The following LAIR1 variants were observed in gnomAD, a reference collection of about 807,000 sequenced individuals.
LAIR1 encodes leukocyte-associated immunoglobulin-like receptor 1.
In LAIR1, 24 loss-of-function variants were observed where a neutral mutation model predicts 32.8. The observed-to-expected ratio is 0.73, with a 90% CI of 0.53 to 1.03. LAIR1 has a LOEUF of 1.03. Among genes scored for constraint, LAIR1 ranks in the 50% least tolerant of loss-of-function variants. The pLI, the probability that LAIR1 is intolerant of heterozygous loss-of-function variation, is 0.00. For missense variants in LAIR1, 355 were observed against 347.5 expected, an observed-to-expected ratio of 1.02 and a Z score of -0.17; for synonymous variants, 150 against 140.5, an observed-to-expected ratio of 1.07 and a Z score of -0.48.
Position 54,351,552 on chromosome 19 carries a change from C to T in LAIR1, c.*3716G>A, listed in dbSNP as rs2081531723. 6.6e-6 allele frequency: 1 copy of T among 152,198 alleles called. No individual in the cohort carries two copies. The highest frequency in any genetic ancestry group is 2.1e-4 in the South Asian group (1 of 4,822). The allele number at this position is 152,198 out of a possible 1,614,324, so 9.4% of individuals were successfully genotyped here. On this transcript the variant is annotated 3_prime_UTR_variant, in exon 10 of 10. Coordinates refer to ENST00000391742, the MANE Select transcript of LAIR1 (RefSeq NM_002287.6). The stretch of plus-strand genomic sequence containing the variant: ...AAGGTGTAGAATTTTACACTCATCA[C>T]AGAAAGTTTTCAGAGACTAACTGGC...
At chr19:54,362,991 T>C (rs4614851) in intron 2 of LAIR1, among the ~76,000 whole-genome samples, 6,702 of 149,788 alleles carry the variant, frequency 0.045, 241 homozygotes, top group Admixed American at 0.11. Flanking sequence ...TCTGATTCTA[T>C]CTGAAGATAA....
rs1253275583 is a variant in LAIR1, at chr19:54,364,353, A to G, written c.35-23T>C. 4 of 1,613,890 alleles carry G rather than the reference A, an allele frequency of 2.5e-6. No homozygotes were observed. The highest frequency in any genetic ancestry group is 3.4e-6 in the Non-Finnish European group (4 of 1,179,824). ...GCACTGGAAGAGAAGCCCCAGTGAG[A>G]AAAATGCCCAGTGCCCAGTCTCCTT... is the stretch of plus-strand genomic sequence containing the variant. On this transcript the variant is annotated intron_variant, in intron 1 of 9. Transcript: ENST00000391742. This position sits in a 1 kb window ranked among gnomAD's most constrained non-coding sequence, Gnocchi z 4.8.
upstream of LAIR1, among the ~76,000 whole-genome samples, chr19:54,369,842 TTCAAAAC>T (rs1281928145): frequency 2.0e-5 from 3 of 151,062 alleles, no homozygotes; most frequent in African/African-American, 7.4e-5. Context: ...GTTCAAATAT[TTCAAAAC>T]TATTCCAGCA....
chr19:54,356,639 G>GA lies in LAIR1; in HGVS notation c.455-21dup. On this transcript the variant is annotated intron_variant, in intron 5 of 9. Transcript: ENST00000391742. Reference sequence around the variant, plus strand: ...GTGCATCTAAGAAAGACAGAAACAGGATTTCAGCAGTGTGCATTTATTGAG... The same window carrying GA: ...GTGCATCTAAGAAAGACAGAAACAGGAATTTCAGCAGTGTGCATTTATTGAG... 4 of 1,612,728 alleles carry GA rather than the reference G, an allele frequency of 2.5e-6. No individual in the cohort carries two copies. The highest frequency in any genetic ancestry group is 3.4e-6 in the Non-Finnish European group (4 of 1,179,736).
chr19:54,356,773 T>G, intron 5 of LAIR1, 154 bp from the exon 6 acceptor site: 1 of 1,167,220 alleles, frequency 8.6e-7, no homozygotes, highest in Non-Finnish European at 1.2e-6. Flanking sequence ...TATCCCCTTC[T>G]TCCACCACCG....
upstream of LAIR1, among the ~76,000 whole-genome samples, chr19:54,371,954 C>T (rs2082415021): frequency 6.6e-6 from 1 of 151,628 alleles, no homozygotes; most frequent in Non-Finnish European, 1.5e-5. Flanking sequence ...GAACTCTCCT[C>T]CACATCTTTT....
At chr19:54,374,276 T>A (rs2082466061), upstream of LAIR1, among the ~76,000 whole-genome samples, 1 of 152,120 alleles carries the variant, frequency 6.6e-6, no homozygotes. Context: ...TCAAGTAATA[T>A]TAAAGAGAAA....
intron 5 of LAIR1, 133 bp from the exon 6 acceptor site, chr19:54,356,752 A>G (rs2081734979): frequency 8.5e-7 from 1 of 1,178,154 alleles, no homozygotes; most frequent in African/African-American, 1.5e-5. Context: ...GTCCTGCAGT[A>G]CAGGGATCGT....
At chr19:54,365,423 C>G (rs948384847), upstream of LAIR1, among the ~76,000 whole-genome samples, 1 of 152,148 alleles carries the variant, frequency 6.6e-6, no homozygotes, top group Non-Finnish European at 1.5e-5. Flanking sequence ...CTATAGAGAA[C>G]AGTGGGGAGG....
At chr19:54,365,355 G>A (rs760173439), upstream of LAIR1, among the ~76,000 whole-genome samples, 33 of 152,234 alleles carry the variant, frequency 2.2e-4, no homozygotes, top group Admixed American at 8.5e-4. Flanking sequence ...TATTGGTGAG[G>A]ATGTGGAGAA....
At chr19:54,363,663 A>G (rs1219629530) in intron 2 of LAIR1, among the ~76,000 whole-genome samples, 6 of 152,240 alleles carry the variant, frequency 3.9e-5, no homozygotes, top group Admixed American at 1.3e-4. Context: ...TGGATGAACC[A>G]GAGGACGTTA....
upstream of LAIR1, among the ~76,000 whole-genome samples, chr19:54,369,582 G>A (rs2082353342): frequency 6.6e-6 from 1 of 151,470 alleles, no homozygotes; most frequent in South Asian, 2.1e-4. Context: ...GAGAAGACAA[G>A]CTACATGCTT....
chr19:54,362,811 AT>A (rs374474450), intron 2 of LAIR1, among the ~76,000 whole-genome samples: 1 of 151,860 alleles, frequency 6.6e-6, no homozygotes, highest in Non-Finnish European at 1.5e-5. Flanking sequence ...AAAATGAATT[AT>A]TTTTTTTCAA....
Position 54,354,905 on chromosome 19 carries a change from C to G in LAIR1, c.*363G>C, listed in dbSNP as rs758690234. ...GAGGTGGCATCACTGCTCAGGAAAT[C>G]GGCTGATTGGCTGTAGCTGGGCCTT... is the stretch of plus-strand genomic sequence containing the variant. On this transcript the variant is annotated 3_prime_UTR_variant, in exon 10 of 10. Coordinates refer to ENST00000391742, the MANE Select transcript of LAIR1 (RefSeq NM_002287.6). The G allele has an allele frequency of 4.9e-6, 1 of 204,614 alleles. No individual in the cohort carries two copies. Among genetic ancestry groups the G allele is most frequent in the East Asian group, 1.1e-4 (1 of 9,376 alleles). The allele number at this position is 204,614 out of a possible 1,614,324, so 12.7% of individuals were successfully genotyped here.
upstream of LAIR1, among the ~76,000 whole-genome samples, chr19:54,373,640 AGAGT>A (rs148298043): frequency 0.014 from 2,201 of 152,202 alleles, 57 homozygotes; most frequent in African/African-American, 0.049. Context: ...TTGTGAGACA[AGAGT>A]GAGAGCCAAG....
In LAIR1 at chr19:54,356,232, G is replaced by T. The variant is rs1485212816; in HGVS notation, c.662C>A (p.Ala221Glu). ...DLAVDVLERT[A>E]DKATVNGLPE... ...TGTCCCTCCTCCTCCCCCTTTACCT[G>T]CTGTCCTCTCTAGAACATCAACAGC... The change falls in exon 8 of 10, where the codon GCA (alanine) becomes GAA (glutamate). Residue 221 changes from alanine (A) to glutamate (E), a missense_variant and splice_region_variant. By Grantham distance (107) the Ala-to-Glu change is moderately radical (BLOSUM62 -1). Coordinates refer to ENST00000391742, the MANE Select transcript of LAIR1 (RefSeq NM_002287.6). The T allele has an allele frequency of 3.7e-6, 6 of 1,609,096 alleles. No individual in the cohort carries two copies. The South Asian group carries it at 6.6e-5, about 18-fold the overall frequency.
intron 4 of LAIR1, chr19:54,357,192 C>A: frequency 1.8e-6 from 1 of 563,604 alleles, no homozygotes. Flanking sequence ...TAAATTTATC[C>A]AAAGTTGAAT....
At position 54,361,120 on chromosome 19, in the gene LAIR1, C is replaced by T; in HGVS notation, c.160G>A (p.Gly54Arg). ...CTCTCCAGGCGGAATGTTTGAACCC[C>T]AACCGGGCCCCGGCACACGAAAGTC... is the stretch of plus-strand genomic sequence containing the variant. ...HVTFVCRGPV[G>R]VQTFRLERDS... is the part of the protein sequence containing the mutation. Residue 54 changes from glycine (G) to arginine (R), a missense_variant, in exon 3 of 10, where the codon GGG becomes AGG. Transcript: ENST00000391742. 6.2e-7 allele frequency: 1 copy of T among 1,614,186 alleles called. No homozygotes were observed. Among genetic ancestry groups the T allele is most frequent in the Non-Finnish European group, 8.5e-7 (1 of 1,180,030 alleles).
At chr19:54,366,893 A>G (rs543100050), upstream of LAIR1, among the ~76,000 whole-genome samples, 5 of 152,196 alleles carry the variant, frequency 3.3e-5, no homozygotes, top group Non-Finnish European at 7.3e-5. Context: ...GGTAGAGTTT[A>G]TATTTAAAAG....
Sources: allele counts gnomAD v4.1 joint callset (sites outside exome capture counted in the v4.1 genomes callset), GRCh38; gene constraint gnomAD v4.1.1; non-coding constraint Gnocchi (gnomAD v3.1); transcripts MANE v1.5; gene names NCBI Gene and HGNC (gene_info 2026-07-23, HGNC 2026-07-21).